PDE8B: variants seen among roughly 807,000 people sequenced by gnomAD.
PDE8B encodes the protein phosphodiesterase 8B.
A neutral mutation model predicts 101.3 loss-of-function variants in PDE8B; 26 were observed. The ratio of observed to expected loss-of-function variants is 0.26; its 90% CI spans 0.19 to 0.36. The LOEUF is 0.36. Ranked by LOEUF, PDE8B falls within the 10% of genes least tolerant of loss-of-function variation. The pLI is 1.00. For synonymous variants in PDE8B, 424 were observed against 429.3 expected, an observed-to-expected ratio of 0.99 and a Z score of 0.15; for missense variants, 810 against 1,163.1, an observed-to-expected ratio of 0.70 and a Z score of 4.42.
intron 10 of PDE8B, among the ~76,000 whole-genome samples, chr5:77,355,171 G>A (rs531593234): frequency 6.6e-6 from 1 of 152,292 alleles, no homozygotes; most frequent in Non-Finnish European, 1.5e-5. Flanking sequence ...GGATACAGGG[G>A]TGGGGGGCCA....
At chr5:77,343,945 A>G (rs1247194063) in intron 6 of PDE8B, among the ~76,000 whole-genome samples, 1 of 148,916 alleles carries the variant, frequency 6.7e-6, no homozygotes, top group Non-Finnish European at 1.5e-5. Context: ...TGGTGCCTAC[A>G]CAGAGTCAGG....
chr5:77,194,055 G>A, the PDE8B span, among the ~76,000 whole-genome samples: 1 of 151,958 alleles, frequency 6.6e-6, no homozygotes, highest in Non-Finnish European at 1.5e-5. Flanking sequence ...CATTTTCTAT[G>A]TGTACAATTA....
intron 21 of PDE8B, 104 bp from the exon 22 acceptor site, chr5:77,426,338 GCCT>G (rs1229082449): frequency 3.2e-5 from 24 of 742,774 alleles, no homozygotes; most frequent in African/African-American, 5.2e-5. Context: ...CCCAGGGTGT[GCCT>G]CCTCTAATTC....
At chr5:77,244,063 C>T (rs922986373) in intron 1 of PDE8B, among the ~76,000 whole-genome samples, 1 of 152,040 alleles carries the variant, frequency 6.6e-6, no homozygotes, top group Non-Finnish European at 1.5e-5. Flanking sequence ...ACCACCACCA[C>T]CACCACTGCA....
the PDE8B span, among the ~76,000 whole-genome samples, chr5:77,159,170 T>G: frequency 6.6e-6 from 1 of 152,152 alleles, no homozygotes; most frequent in African/African-American, 2.4e-5. Context: ...CTCCTGGCCA[T>G]AGCGATTGAG....
intron 1 of PDE8B, among the ~76,000 whole-genome samples, chr5:77,214,629 T>C (rs115640843): frequency 2.6e-5 from 4 of 152,288 alleles, no homozygotes; most frequent in East Asian, 1.9e-4. Flanking sequence ...GGAAAATAAA[T>C]AGATATTCCA....
At chr5:77,108,591 G>A in the PDE8B span, among the ~76,000 whole-genome samples, 3 of 152,188 alleles carry the variant, frequency 2.0e-5, no homozygotes, top group African/African-American at 7.2e-5. Context: ...GCCTAAGCAT[G>A]AGAATCACTT....
chr5:77,421,627 CTG>C (rs1365958365), intron 19 of PDE8B, among the ~76,000 whole-genome samples, 192 bp from the exon 20 acceptor site: 1 of 152,028 alleles, frequency 6.6e-6, no homozygotes, highest in Non-Finnish European at 1.5e-5. Context: ...TCTTTTAAGA[CTG>C]TATCAGTATA....
intron 5 of PDE8B, among the ~76,000 whole-genome samples, chr5:77,335,664 T>C (rs187764215): frequency 1.4e-3 from 210 of 152,274 alleles, no homozygotes; most frequent in Non-Finnish European, 7.8e-4. Flanking sequence ...GGGCCTAGTA[T>C]TCTCCTCCTC....
chr5:77,410,754 G>C (rs1794406339), intron 14 of PDE8B: 2 of 152,170 alleles, frequency 1.3e-5, no homozygotes, highest in South Asian at 4.1e-4. Context: ...TGTAACTTCA[G>C]GGGAGTCCTT....
chr5:77,114,051 A>C, the PDE8B span: 1 of 152,210 alleles, frequency 6.6e-6, no homozygotes, highest in Non-Finnish European at 1.5e-5. Context: ...GAATGCTTTT[A>C]CACTGTTGGT....
the PDE8B span, among the ~76,000 whole-genome samples, chr5:77,171,153 C>T: frequency 6.6e-6 from 1 of 152,174 alleles, no homozygotes; most frequent in Non-Finnish European, 1.5e-5. Context: ...AATTCATTTG[C>T]ATAGGCCTTG....
intron 2 of PDE8B, among the ~76,000 whole-genome samples, chr5:77,322,078 G>T (rs2150204760): frequency 6.6e-6 from 1 of 152,286 alleles, no homozygotes; most frequent in Non-Finnish European, 1.5e-5. Context: ...GGTGAGCAGG[G>T]TTAGGCTAGG....
intron 2 of PDE8B, among the ~76,000 whole-genome samples, chr5:77,318,066 A>AAAAAAAAAAAAAAAAAAAAAAAAG (rs1774187219): frequency 6.6e-6 from 1 of 150,818 alleles, no homozygotes; most frequent in Non-Finnish European, 1.5e-5. Flanking sequence ...AAAAAAAAAA[A>AAAAAAAAAAAAAAAAAAAAAAAAG]AAAAAAAAAA....
At chr5:77,258,637 C>T (rs1365592513) in intron 1 of PDE8B, among the ~76,000 whole-genome samples, 1 of 152,192 alleles carries the variant, frequency 6.6e-6, no homozygotes, top group Admixed American at 6.5e-5. Flanking sequence ...TTCTTTCAAA[C>T]CTGTTCTGTC....
At position 77,317,174 on chromosome 5, in the gene PDE8B, G is replaced by A. The variant is rs558393437; in HGVS notation, c.399+5121G>A. 3.3e-5 allele frequency among the ~76,000 whole-genome samples: 5 copies of A among 152,232 alleles called. No individual in the cohort carries two copies. The East Asian group carries it at 7.7e-4, about 23-fold the overall frequency. ...TGTCTATAACACACTAACTTTCAGT[G>A]TATTGACATCTAGTGTTTTTATGCT... On this transcript the variant is annotated intron_variant, in intron 2 of 21. Transcript: ENST00000264917.
Position 77,411,693 on chromosome 5 carries a change from G to A in PDE8B, c.1548G>A (p.Leu516=), listed in dbSNP as rs750106546. Residue 516 remains leucine, a synonymous_variant, in exon 15 of 22, where the codon CTG becomes CTA. Coordinates refer to ENST00000264917, the MANE Select transcript of PDE8B (RefSeq NM_003719.5). The part of the protein sequence containing the change: ...GGLMTDGLRR[L]SGNEYVFTKN... ...TATTCCAGGACGGCTTGAGAAGACT[G>A]TCAGGAAACGAGTATGTGTTTACTA... 2.5e-6 allele frequency: 4 copies of A among 1,611,930 alleles called. No homozygotes were observed. In the African/African-American group the frequency reaches 4.0e-5, roughly 16 times the overall value.
chr5:77,273,180 A>G (rs1317447474), intron 1 of PDE8B, among the ~76,000 whole-genome samples: 1 of 152,166 alleles, frequency 6.6e-6, no homozygotes, highest in African/African-American at 2.4e-5. Flanking sequence ...CCTTGTCATC[A>G]CTGCAGTGTA....
At chr5:77,232,796 T>C (rs780506790) in intron 1 of PDE8B, among the ~76,000 whole-genome samples, 1 of 152,206 alleles carries the variant, frequency 6.6e-6, no homozygotes, top group African/African-American at 2.4e-5. Context: ...TTGTGAAGTG[T>C]TGTCATGGAA....
Sources: allele counts gnomAD v4.1 joint callset (sites outside exome capture counted in the v4.1 genomes callset), GRCh38; gene constraint gnomAD v4.1.1; transcripts MANE v1.5; gene names NCBI Gene and HGNC (gene_info 2026-07-23, HGNC 2026-07-21).